Variants in FCHSD2 observed in about 807,000 individuals in gnomAD.
The protein encoded by FCHSD2 is FCH and double SH3 domains 2.
In FCHSD2, 38 loss-of-function variants were observed where a neutral mutation model predicts 108.1. The ratio of observed to expected loss-of-function variants is 0.35; its 90% confidence interval spans 0.27 to 0.46. FCHSD2 has a LOEUF of 0.46. Among genes scored for constraint, FCHSD2 ranks in the 20% least tolerant of loss-of-function variants. The pLI is 1.00. For missense variants in FCHSD2, 751 were observed against 897.8 expected, an observed-to-expected ratio of 0.84 and a Z score of 2.09; for synonymous variants, 279 against 314.7, an observed-to-expected ratio of 0.89 and a Z score of 1.20.
chr11:72,882,923 A>T (rs561217899), intron 12 of FCHSD2, among the ~76,000 whole-genome samples: 28 of 152,358 alleles, frequency 1.8e-4, no homozygotes, highest in African/African-American at 6.7e-4. Flanking sequence ...TGATTTCAAG[A>T]CTTACAATGT....
intron 3 of FCHSD2, among the ~76,000 whole-genome samples, chr11:73,032,239 T>C (rs1858377774): frequency 1.3e-5 from 2 of 152,310 alleles, no homozygotes; most frequent in African/African-American, 2.4e-5. Flanking sequence ...AATGTTTTTT[T>C]ATTTTAAGAG....
chr11:73,014,943 A>G (rs1055730245), intron 4 of FCHSD2, among the ~76,000 whole-genome samples: 21 of 152,022 alleles, frequency 1.4e-4, no homozygotes, highest in African/African-American at 5.1e-4. Context: ...TCCCAGGTTC[A>G]AGCAATCCTC....
intron 3 of FCHSD2, among the ~76,000 whole-genome samples, chr11:73,052,603 T>TA (rs1858927118): frequency 6.6e-6 from 1 of 152,110 alleles, no homozygotes; most frequent in South Asian, 2.1e-4. Context: ...CTGTCGAAAA[T>TA]AAACAATGAA....
intron 3 of FCHSD2, among the ~76,000 whole-genome samples, chr11:73,066,856 G>C (rs1210470375): frequency 6.6e-6 from 1 of 152,188 alleles, no homozygotes; most frequent in African/African-American, 2.4e-5. Context: ...AGGATGTGGA[G>C]AAATAGGAAC....
intron 9 of FCHSD2, among the ~76,000 whole-genome samples, chr11:72,918,340 T>C (rs1208489327): frequency 2.0e-5 from 3 of 152,170 alleles, no homozygotes; most frequent in Non-Finnish European, 4.4e-5. Flanking sequence ...AGAGGTAATT[T>C]TAATTCTTCT....
At chr11:73,112,586 G>A (rs959717847) in intron 2 of FCHSD2, among the ~76,000 whole-genome samples, 5 of 152,182 alleles carry the variant, frequency 3.3e-5, no homozygotes, top group African/African-American at 1.2e-4. Flanking sequence ...TTTCTACTCT[G>A]ATCTCTCTCC....
rs575758887 is a variant in FCHSD2 at position 72,928,867 on chromosome 11, C to T, written c.706-6917G>A. Among the ~76,000 whole-genome samples the T allele has an allele frequency of 2.1e-3, 318 of 151,744 alleles. 1 individual carries two copies. The highest frequency in any genetic ancestry group is 7.2e-3 in the African/African-American group (297 of 41,372). On this transcript the variant is annotated intron_variant, in intron 8 of 19. Coordinates refer to ENST00000409418, the MANE Select transcript of FCHSD2 (RefSeq NM_014824.3). ...AGGTATATCTCCTAATGCTATCCCT[C>T]CCCCCGTCCCCCACCCCACAACAGT... is the stretch of plus-strand genomic sequence containing the variant.
chr11:72,873,169 A>C (rs550200531), intron 12 of FCHSD2, among the ~76,000 whole-genome samples: 15 of 151,922 alleles, frequency 9.9e-5, no homozygotes, highest in Middle Eastern at 3.4e-3. Context: ...CTCTACTAAA[A>C]ATACAAAAAA....
chr11:72,847,140 G>C (rs1423379417), intron 14 of FCHSD2, among the ~76,000 whole-genome samples: 1 of 152,142 alleles, frequency 6.6e-6, no homozygotes, highest in East Asian at 1.9e-4. Flanking sequence ...AGGACGATAG[G>C]CATGTGCCAC....
intron 8 of FCHSD2, among the ~76,000 whole-genome samples, chr11:72,970,219 C>A (rs1316518464): frequency 6.6e-6 from 1 of 152,098 alleles, no homozygotes; most frequent in African/African-American, 2.4e-5. Flanking sequence ...CTTTCTTAAC[C>A]CCAAAATTAA....
At chr11:72,933,282 C>T (rs1856231508) in intron 8 of FCHSD2, among the ~76,000 whole-genome samples, 1 of 152,124 alleles carries the variant, frequency 6.6e-6, no homozygotes, top group Non-Finnish European at 1.5e-5. Flanking sequence ...CTATCCTTCC[C>T]ACCAAAGTTA....
intron 2 of FCHSD2, among the ~76,000 whole-genome samples, chr11:73,090,383 G>A (rs1859926731): frequency 6.6e-6 from 1 of 151,732 alleles, no homozygotes; most frequent in South Asian, 2.1e-4. Flanking sequence ...CCGCCACTAC[G>A]CCCAGCTAAT....
intron 2 of FCHSD2, among the ~76,000 whole-genome samples, chr11:73,094,187 G>A (rs1860024017): frequency 1.3e-5 from 2 of 151,978 alleles, no homozygotes; most frequent in Admixed American, 6.6e-5. Flanking sequence ...CTCCAGCCTG[G>A]GCTACAGAGC....
chr11:73,086,218 G>A (rs1252985414), intron 2 of FCHSD2, among the ~76,000 whole-genome samples: 1 of 152,142 alleles, frequency 6.6e-6, no homozygotes, highest in African/African-American at 2.4e-5. Context: ...AGACAGGCCT[G>A]GCCAACATGG....
intron 12 of FCHSD2, among the ~76,000 whole-genome samples, chr11:72,873,814 C>T (rs1591360818): frequency 6.6e-6 from 1 of 152,140 alleles, no homozygotes; most frequent in South Asian, 2.1e-4. Context: ...TCCAGCATCC[C>T]GGGTTCCTAC....
At chr11:72,913,660 T>C (rs749044301) in intron 9 of FCHSD2, among the ~76,000 whole-genome samples, 35 of 152,150 alleles carry the variant, frequency 2.3e-4, no homozygotes, top group Non-Finnish European at 4.3e-4. Context: ...GTGGTATTGG[T>C]TGTAATGTCT....
intron 9 of FCHSD2, among the ~76,000 whole-genome samples, chr11:72,906,841 T>C (rs949014929): frequency 6.6e-6 from 1 of 152,212 alleles, no homozygotes; most frequent in Admixed American, 6.5e-5. Context: ...GTAGTATAGT[T>C]TGAAGTCAGG....
intron 12 of FCHSD2, among the ~76,000 whole-genome samples, chr11:72,870,967 T>C (rs568171656): frequency 8.9e-4 from 136 of 152,246 alleles, no homozygotes; most frequent in African/African-American, 3.1e-3. Context: ...AACTTGTTTG[T>C]TGACTAACAG....
At chr11:73,110,873 A>C (rs1860467189) in intron 2 of FCHSD2, among the ~76,000 whole-genome samples, 1 of 151,846 alleles carries the variant, frequency 6.6e-6, no homozygotes, top group South Asian at 2.1e-4. Context: ...TCATGTTTCC[A>C]TTATCATTTG....
Sources: gnomAD v4.1 joint callset for allele counts (sites outside exome capture counted in the v4.1 genomes callset) on GRCh38, gnomAD v4.1.1 for gene constraint, MANE v1.5 for transcripts, NCBI Gene and HGNC (gene_info 2026-07-23, HGNC 2026-07-21) for gene names.